OR4X1: variants seen among roughly 807,000 people sequenced by gnomAD.
The protein encoded by OR4X1 is olfactory receptor family 4 subfamily X member 1.
For synonymous variants in OR4X1, 183 were observed against 142.6 expected (o/e 1.28, Z -2.02); for missense variants, 509 against 368.1 (o/e 1.38, Z -3.13).
At position 48,264,212 on chromosome 11, in the gene OR4X1, T is replaced by C. The variant is rs1298647452; in HGVS notation, c.352T>C (p.Tyr118His). ...TEAFLLMVMA[Y>H]DRYVAICKPL... Reference sequence around the variant, plus strand: ...GGCCTTTCTCCTGATGGTGATGGCCTATGACCGCTATGTGGCCATCTGCAA... The same window carrying C: ...GGCCTTTCTCCTGATGGTGATGGCCCATGACCGCTATGTGGCCATCTGCAA... Residue 118 changes from tyrosine (Y) to histidine (H), a missense_variant, in exon 1 of 1, where the codon TAT (tyrosine) becomes CAT (histidine). Tyr to His is a moderately conservative substitution (Grantham distance 83, BLOSUM62 2). Coordinates refer to ENST00000320048, the MANE Select transcript of OR4X1 (RefSeq NM_001004726.1). The C allele has an allele frequency of 6.2e-7, 1 of 1,614,104 alleles. No homozygotes were observed. The highest frequency in any genetic ancestry group is 8.5e-7 in the Non-Finnish European group (1 of 1,179,990).
rs563136077 is a variant in OR4X1 at position 48,263,909 on chromosome 11, C to T, written c.49C>T (p.Gln17Ter). 1.2e-6 allele frequency: 2 copies of T among 1,613,766 alleles called. No homozygotes were observed. The highest frequency in any genetic ancestry group is 1.7e-6 in the Non-Finnish European group (2 of 1,179,774). The change falls in exon 1 of 1, where the codon CAG becomes TAG. Residue 17 changes from glutamine (Q) to a stop codon, truncating the protein, a stop_gained. Transcript: ENST00000320048. LOFTEE classifies it low-confidence loss of function (END_TRUNC). Reference protein sequence around the residue: ...VTEIIFVGFSQNWSEQRVISV... With the variant: ...VTEIIFVGFS ...TGAAATAATTTTCGTGGGATTTTCCCAGAATTGGAGTGAGCAGAGGGTCAT... is the reference window on the plus strand; with the variant it reads ...TGAAATAATTTTCGTGGGATTTTCCTAGAATTGGAGTGAGCAGAGGGTCAT...
At position 48,264,123 on chromosome 11, in the gene OR4X1, A is replaced by G. The variant is rs778286563; in HGVS notation, c.263A>G (p.Lys88Arg). ...ATCTTTGACTCCTTTATCAAGAGGAAAGTCATTTCTCTCAAGGGCTGCCTC... is the reference window on the plus strand; with the variant it reads ...ATCTTTGACTCCTTTATCAAGAGGAGAGTCATTTCTCTCAAGGGCTGCCTC... ...KLIFDSFIKR[K>R]VISLKGCLTQ... The change falls in exon 1 of 1, where the codon AAA becomes AGA. Residue 88 changes from lysine (K) to arginine (R), a missense_variant. Lys to Arg is a conservative substitution (Grantham distance 26). Transcript: ENST00000320048. 4.3e-6 allele frequency: 7 copies of G among 1,614,044 alleles called. No homozygotes were observed. The South Asian group carries it at 7.7e-5, about 18-fold the overall frequency.
Position 48,264,073 on chromosome 11 carries a change from C to T in OR4X1, c.213C>T (p.Tyr71=), listed in dbSNP as rs771242816. The T allele has an allele frequency of 3.2e-5, 51 of 1,613,504 alleles. 1 individual carries two copies. In the South Asian group the frequency reaches 5.2e-4, roughly 16 times the overall value. ...ACTTATCCTTTGTGGAGATCTGCTA[C>T]TGTTCTGTCATGGCCCCCAAGCTTA... ...LSYLSFVEIC[Y]CSVMAPKLIF... The change falls in exon 1 of 1, where the codon TAC becomes TAT. Residue 71 remains tyrosine, a synonymous_variant. Transcript: ENST00000320048.
rs373761212 is a variant in OR4X1, at chr11:48,264,324, T to C, written c.464T>C (p.Val155Ala). Residue 155 changes from valine to alanine, a missense_variant, in exon 1 of 1, where the codon GTT (valine) becomes GCT (alanine). Coordinates refer to ENST00000320048, the MANE Select transcript of OR4X1 (RefSeq NM_001004726.1). ...IAWGGGLLHS[V>A]GQTFLIFQLP... ...TGGGGCGGGGGCCTGCTGCATTCTG[T>C]TGGGCAAACCTTCCTGATTTTCCAG... 34 of 1,614,016 alleles carry C rather than the reference T, an allele frequency of 2.1e-5. No homozygotes were observed. Among genetic ancestry groups the C allele is most frequent in the South Asian group, 3.3e-5 (3 of 91,074 alleles).
Position 48,263,984 on chromosome 11 carries a change from C to T in OR4X1, c.124C>T (p.Leu42Phe). 6.2e-7 allele frequency: 1 copy of T among 1,613,932 alleles called. No homozygotes were observed. Among genetic ancestry groups the T allele is most frequent in the Non-Finnish European group, 8.5e-7 (1 of 1,179,836 alleles). ...CACAGCTGTTGTGCTGGGCAATGGCCTCATTGTGGTGACCATCCTGGCCAG... is the reference window on the plus strand; with the variant it reads ...CACAGCTGTTGTGCTGGGCAATGGCTTCATTGTGGTGACCATCCTGGCCAG... Reference protein sequence around the residue: ...MYTAVVLGNGLIVVTILASKV... With the variant: ...MYTAVVLGNGFIVVTILASKV... Residue 42 changes from leucine (L) to phenylalanine (F), a missense_variant, in exon 1 of 1, where the codon CTC (leucine) becomes TTC (phenylalanine). Coordinates refer to ENST00000320048, the MANE Select transcript of OR4X1 (RefSeq NM_001004726.1).
chr11:48,263,897 G>A lies in OR4X1; in HGVS notation c.37G>A (p.Val13Met), dbSNP rs546535915. Residue 13 changes from valine (V) to methionine (M), a missense_variant, in exon 1 of 1, where the codon GTG (valine) becomes ATG (methionine). Coordinates refer to ENST00000320048, the MANE Select transcript of OR4X1 (RefSeq NM_001004726.1). The stretch of plus-strand genomic sequence containing the variant: ...AAACAATGTGACTGAAATAATTTTC[G>A]TGGGATTTTCCCAGAATTGGAGTGA... ...ATNNVTEIIF[V>M]GFSQNWSEQR... The A allele has an allele frequency of 1.2e-5, 20 of 1,613,610 alleles. No individual in the cohort carries two copies. The highest frequency in any genetic ancestry group is 8.9e-5 in the East Asian group (4 of 44,848).
chr11:48,264,487 C>T lies in OR4X1; in HGVS notation c.627C>T (p.Phe209=), dbSNP rs754766463. ...GCGGCTCCATCTCCGTAGTCAGTTT[C>T]TTCGTGCTGATGGCTTCCTACCTGA... ...TNGGSISVVS[F]FVLMASYLII... Residue 209 remains phenylalanine (F), a synonymous_variant, in exon 1 of 1, where the codon TTC becomes TTT. Coordinates refer to ENST00000320048, the MANE Select transcript of OR4X1 (RefSeq NM_001004726.1). 2.5e-5 allele frequency: 41 copies of T among 1,614,008 alleles called. No homozygotes were observed. Among genetic ancestry groups the T allele is most frequent in the Non-Finnish European group, 3.2e-5 (38 of 1,180,018 alleles).
Position 48,264,547 on chromosome 11 carries a change from G to A in OR4X1, c.687G>A (p.Glu229=), listed in dbSNP as rs766335178. 6.2e-7 allele frequency: 1 copy of A among 1,614,102 alleles called. No individual in the cohort carries two copies. Among genetic ancestry groups the A allele is most frequent in the Non-Finnish European group, 8.5e-7 (1 of 1,179,982 alleles). ...ILHFLRSHNL[E]GQHKALSTCA... ...ACTTCCTGAGAAGCCACAACTTGGA[G>A]GGGCAGCACAAGGCCCTCTCCACCT... Residue 229 remains glutamate (E), a synonymous_variant, in exon 1 of 1, where the codon GAG becomes GAA. Transcript: ENST00000320048.
In OR4X1 at chr11:48,264,759, T is replaced by C. The variant is rs573916533; in HGVS notation, c.899T>C (p.Ile300Thr). The change falls in exon 1 of 1, where the codon ATT (isoleucine) becomes ACT (threonine). Residue 300 changes from isoleucine (I) to threonine (T), a missense_variant. Physicochemically the swap from Ile to Thr is moderately conservative, Grantham distance 89 (BLOSUM62 -1). Transcript: ENST00000320048. The stretch of plus-strand genomic sequence containing the variant: ...GTGAAAAATGCCATGAGGAGATTTA[T>C]TGGGGGAAAAGTAATTTGAGAAGAG... Reference protein sequence around the residue: ...AEVKNAMRRFIGGKVI With the variant: ...AEVKNAMRRFTGGKVI The C allele has an allele frequency of 1.6e-5, 26 of 1,608,304 alleles. No individual in the cohort carries two copies. The Middle Eastern group carries it at 5.0e-4, about 31-fold the overall frequency.
In OR4X1 at chr11:48,264,364, C is replaced by T. The variant is rs1407585467; in HGVS notation, c.504C>T (p.Gly168=). 4 of 1,614,020 alleles carry T rather than the reference C, an allele frequency of 2.5e-6. No individual in the cohort carries two copies. The highest frequency in any genetic ancestry group is 1.3e-5 in the African/African-American group (1 of 75,034). The part of the protein sequence containing the change: ...TFLIFQLPFC[G]PNIMDHYFCD... ...TGATTTTCCAGCTCCCGTTCTGTGG[C>T]CCCAACATCATGGACCACTACTTCT... Residue 168 remains glycine (G), a synonymous_variant, in exon 1 of 1, where the codon GGC becomes GGT. Transcript: ENST00000320048.
rs1859333720 is a variant in OR4X1, at chr11:48,264,333, C to G, written c.473C>G (p.Thr158Ser). ...GGCCTGCTGCATTCTGTTGGGCAAA[C>G]CTTCCTGATTTTCCAGCTCCCGTTC... ...GGGLLHSVGQTFLIFQLPFCG... is the reference protein window; with the variant it reads ...GGGLLHSVGQSFLIFQLPFCG... The change falls in exon 1 of 1, where the codon ACC becomes AGC. Residue 158 changes from threonine (T) to serine (S), a missense_variant. Physicochemically the swap from Thr to Ser is moderately conservative, Grantham distance 58 (BLOSUM62 1). Transcript: ENST00000320048. 2 of 1,614,072 alleles carry G rather than the reference C, an allele frequency of 1.2e-6. No individual in the cohort carries two copies. The highest frequency in any genetic ancestry group is 1.7e-6 in the Non-Finnish European group (2 of 1,179,990).
At position 48,264,569 on chromosome 11, in the gene OR4X1, AC is replaced by A. The variant is rs781083167; in HGVS notation, c.711del (p.Cys238ValfsTer31). On this transcript the variant is annotated frameshift_variant, in exon 1 of 1. Coordinates refer to ENST00000320048, the MANE Select transcript of OR4X1 (RefSeq NM_001004726.1). LOFTEE classifies it low-confidence loss of function (END_TRUNC). ...GGAGGGGCAGCACAAGGCCCTCTCC[AC>A]CTGTGCCTCTCATGTCACAGTTGTC... ...NLEGQHKALS[T>X]CASHVTVVDL... 6.2e-7 allele frequency: 1 copy of A among 1,613,988 alleles called. No individual in the cohort carries two copies. Among genetic ancestry groups the A allele is most frequent in the Non-Finnish European group, 8.5e-7 (1 of 1,179,958 alleles).
Position 48,264,096 on chromosome 11 carries a change from T to A in OR4X1, c.236T>A (p.Leu79His). ...TACTGTTCTGTCATGGCCCCCAAGC[T>A]TATCTTTGACTCCTTTATCAAGAGG... ...ICYCSVMAPK[L>H]IFDSFIKRKV... is the part of the protein sequence containing the mutation. Residue 79 changes from leucine (L) to histidine (H), a missense_variant, in exon 1 of 1, where the codon CTT (leucine) becomes CAT (histidine). Coordinates refer to ENST00000320048, the MANE Select transcript of OR4X1 (RefSeq NM_001004726.1). 1 of 1,614,046 alleles carries A rather than the reference T, an allele frequency of 6.2e-7. No homozygotes were observed. Among genetic ancestry groups the A allele is most frequent in the Non-Finnish European group, 8.5e-7 (1 of 1,179,976 alleles).
chr11:48,264,742 T>C lies in OR4X1; in HGVS notation c.882T>C (p.Asn294=), dbSNP rs1159531585. 6.2e-7 allele frequency: 1 copy of C among 1,611,930 alleles called. No individual in the cohort carries two copies. Among genetic ancestry groups the C allele is most frequent in the African/African-American group, 1.3e-5 (1 of 74,842 alleles). ...CCTTCAGGAATGCTGAAGTGAAAAA[T>C]GCCATGAGGAGATTTATTGGGGGAA... ...IYSFRNAEVK[N]AMRRFIGGKV... The change falls in exon 1 of 1, where the codon AAT becomes AAC. Residue 294 remains asparagine, a synonymous_variant. Transcript: ENST00000320048.
In OR4X1 at chr11:48,264,279, G is replaced by T; in HGVS notation, c.419G>T (p.Gly140Val). 2 of 1,614,070 alleles carry T rather than the reference G, an allele frequency of 1.2e-6. No individual in the cohort carries two copies. The highest frequency in any genetic ancestry group is 1.3e-5 in the African/African-American group (1 of 75,002). Residue 140 changes from glycine to valine, a missense_variant, in exon 1 of 1, where the codon GGT becomes GTT. Transcript: ENST00000320048. ...YMAIMNQRMC[G>V]LLVRIAWGGG... ...GCCATCATGAACCAGCGAATGTGTG[G>T]TCTCCTCGTGAGGATAGCATGGGGC...
Position 48,264,059 on chromosome 11 carries a change from G to C in OR4X1, c.199G>C (p.Val67Leu). ...TTTCTTTCTCAGCTACTTATCCTTT[G>C]TGGAGATCTGCTACTGTTCTGTCAT... is the stretch of plus-strand genomic sequence containing the variant. ...MYFFLSYLSF[V>L]EICYCSVMAP... The change falls in exon 1 of 1, where the codon GTG becomes CTG. Residue 67 changes from valine (V) to leucine (L), a missense_variant. Val to Leu is a conservative substitution (Grantham distance 32). Coordinates refer to ENST00000320048, the MANE Select transcript of OR4X1 (RefSeq NM_001004726.1). The C allele has an allele frequency of 6.2e-7, 1 of 1,613,990 alleles. No homozygotes were observed. Among genetic ancestry groups the C allele is most frequent in the South Asian group, 1.1e-5 (1 of 91,070 alleles).
rs756631276 is a variant in OR4X1, at chr11:48,264,066, T to C, written c.206T>C (p.Ile69Thr). ...FFLSYLSFVEICYCSVMAPKL... is the reference protein window; with the variant it reads ...FFLSYLSFVETCYCSVMAPKL... Reference sequence around the variant, plus strand: ...CTCAGCTACTTATCCTTTGTGGAGATCTGCTACTGTTCTGTCATGGCCCCC... The same window carrying C: ...CTCAGCTACTTATCCTTTGTGGAGACCTGCTACTGTTCTGTCATGGCCCCC... The change falls in exon 1 of 1, where the codon ATC becomes ACC. Residue 69 changes from isoleucine (I) to threonine (T), a missense_variant. Coordinates refer to ENST00000320048, the MANE Select transcript of OR4X1 (RefSeq NM_001004726.1). The C allele has an allele frequency of 1.2e-5, 19 of 1,613,994 alleles. No homozygotes were observed. The South Asian group carries it at 1.5e-4, about 13-fold the overall frequency.
rs1250249597 is a variant in OR4X1, at chr11:48,264,300, G to T, written c.440G>T (p.Trp147Leu). ...TGTGGTCTCCTCGTGAGGATAGCAT[G>T]GGGCGGGGGCCTGCTGCATTCTGTT... Reference protein sequence around the residue: ...RMCGLLVRIAWGGGLLHSVGQ... With the variant: ...RMCGLLVRIALGGGLLHSVGQ... The change falls in exon 1 of 1, where the codon TGG becomes TTG. Residue 147 changes from tryptophan (W) to leucine (L), a missense_variant. Trp to Leu is a moderately conservative substitution (Grantham distance 61, BLOSUM62 -2). Coordinates refer to ENST00000320048, the MANE Select transcript of OR4X1 (RefSeq NM_001004726.1). 6.2e-6 allele frequency: 10 copies of T among 1,613,876 alleles called. No homozygotes were observed. Among genetic ancestry groups the T allele is most frequent in the Non-Finnish European group, 7.6e-6 (9 of 1,179,960 alleles).
chr11:48,264,240 C>A lies in OR4X1; in HGVS notation c.380C>A (p.Pro127His). Residue 127 changes from proline (P) to histidine (H), a missense_variant, in exon 1 of 1, where the codon CCC becomes CAC. Pro to His is a moderately conservative substitution (Grantham distance 77). Transcript: ENST00000320048. ...GACCGCTATGTGGCCATCTGCAAGC[C>A]CTTGCACTACATGGCCATCATGAAC... is the stretch of plus-strand genomic sequence containing the variant. ...AYDRYVAICK[P>H]LHYMAIMNQR... 4 of 1,614,078 alleles carry A rather than the reference C, an allele frequency of 2.5e-6. No homozygotes were observed. The highest frequency in any genetic ancestry group is 3.4e-6 in the Non-Finnish European group (4 of 1,180,000).
Sources: allele counts gnomAD v4.1 joint callset, GRCh38; gene constraint gnomAD v4.1.1; transcripts MANE v1.5; gene names NCBI Gene and HGNC (gene_info 2026-07-23, HGNC 2026-07-21).